FBN1: variants seen among roughly 807,000 people sequenced by gnomAD.
The protein encoded by FBN1 is fibrillin 1, also known as fibrillin-1.
A neutral mutation model predicts 365.1 loss-of-function variants in FBN1; 29 were observed. The observed-to-expected ratio is 0.08, with a 90% CI of 0.06 to 0.11. The LOEUF is 0.11. Ranked by LOEUF, FBN1 falls within the 10% of genes least tolerant of loss-of-function variation. The pLI is 1.00. For synonymous variants in FBN1, 1,210 were observed against 1,270.5 expected (o/e 0.95, Z 1.01); for missense variants, 2,476 against 3,703.2 (o/e 0.67, Z 8.60).
chr15:48,575,460 G>A (rs941058370), intron 6 of FBN1, among the ~76,000 whole-genome samples: 1 of 152,098 alleles, frequency 6.6e-6, no homozygotes, highest in African/African-American at 2.4e-5. Flanking sequence ...TGTGAGCATT[G>A]TACCCAATAG....
chr15:48,468,081 T>C lies in FBN1; in HGVS notation c.4604A>G (p.Tyr1535Cys). ...GCVDTRSGNC[Y>C]LDIRPRGDNG... ...GTCTCCTCGAGGTCGAATATCCAAA[T>C]AGCAATTTCCAGAGCGGGTATCTAT... is the stretch of plus-strand genomic sequence containing the variant. The change falls in exon 38 of 66, where the codon TAT becomes TGT. Residue 1535 changes from tyrosine to cysteine, a missense_variant. By Grantham distance (194) the Tyr-to-Cys change is radical (BLOSUM62 -2). Transcript: ENST00000316623. The C allele has an allele frequency of 6.2e-7, 1 of 1,614,170 alleles. No homozygotes were observed. The highest frequency in any genetic ancestry group is 8.5e-7 in the Non-Finnish European group (1 of 1,180,036).
chr15:48,440,884 A>C (rs1393667191), intron 50 of FBN1, among the ~76,000 whole-genome samples: 1 of 109,004 alleles, frequency 9.2e-6, no homozygotes, highest in Admixed American at 1.0e-4. Context: ...ATACGGAAGC[A>C]AAACCAAAAA....
intron 50 of FBN1, among the ~76,000 whole-genome samples, chr15:48,438,626 GA>G (rs1163195745): frequency 2.4e-4 from 36 of 150,448 alleles, no homozygotes; most frequent in African/African-American, 8.7e-4. Context: ...TCAACACAGA[GA>G]GGGAAGGAAG....
rs752081445 is a variant in FBN1 at position 48,410,763 on chromosome 15, T to C, written c.*227A>G. On this transcript the variant is annotated 3_prime_UTR_variant, in exon 66 of 66. Transcript: ENST00000316623. ...CCCAGTTTTCAAGAATCAACACATA[T>C]GACAAGGTAGCTTAGCTACACACAT... 5.6e-5 allele frequency: 30 copies of C among 532,526 alleles called. No individual in the cohort carries two copies. The highest frequency in any genetic ancestry group is 8.9e-5 in the Non-Finnish European group (27 of 303,888). The allele number at this position is 532,526 out of a possible 1,614,324, so 33.0% of individuals were successfully genotyped here.
At chr15:48,594,040 C>T (rs757675435) in intron 6 of FBN1, among the ~76,000 whole-genome samples, 8 of 152,100 alleles carry the variant, frequency 5.3e-5, no homozygotes, top group Non-Finnish European at 8.8e-5. Context: ...TGTCCTGACT[C>T]GGTATCAGAT....
intron 2 of FBN1, among the ~76,000 whole-genome samples, chr15:48,630,298 G>A (rs1006255734): frequency 6.6e-6 from 1 of 152,200 alleles, no homozygotes; most frequent in Non-Finnish European, 1.5e-5. Flanking sequence ...CTGTGCATAA[G>A]TGGAAGAATT....
At chr15:48,582,046 T>A (rs1471099253) in intron 6 of FBN1, among the ~76,000 whole-genome samples, 1 of 152,198 alleles carries the variant, frequency 6.6e-6, no homozygotes, top group African/African-American at 2.4e-5. Flanking sequence ...TCTGAGGTAT[T>A]AACACTTCAC....
intron 36 of FBN1, among the ~76,000 whole-genome samples, chr15:48,469,114 T>C (rs1476189242): frequency 1.4e-5 from 2 of 144,738 alleles, no homozygotes; most frequent in Non-Finnish European, 3.0e-5. Context: ...ATATATTACA[T>C]ATATATATAA....
At chr15:48,521,300 G>A (rs998679162) in intron 9 of FBN1, among the ~76,000 whole-genome samples, 2 of 152,192 alleles carry the variant, frequency 1.3e-5, no homozygotes, top group South Asian at 2.1e-4. Flanking sequence ...CTGCAACTGT[G>A]AGAGTCAGAC....
intron 61 of FBN1, 116 bp downstream of exon 61, chr15:48,421,836 G>T: frequency 8.6e-7 from 1 of 1,157,508 alleles, no homozygotes; most frequent in Non-Finnish European, 1.3e-6. Flanking sequence ...ACACATACAT[G>T]CACTCATATA....
At chr15:48,619,073 TC>T (rs1236068062) in intron 2 of FBN1, among the ~76,000 whole-genome samples, 1 of 151,814 alleles carries the variant, frequency 6.6e-6, no homozygotes, top group Non-Finnish European at 1.5e-5. Context: ...CCTGAAACCA[TC>T]CCCCCATCCC....
chr15:48,609,000 T>C (rs1279501076), intron 4 of FBN1, among the ~76,000 whole-genome samples: 1 of 152,238 alleles, frequency 6.6e-6, no homozygotes, highest in Non-Finnish European at 1.5e-5. Flanking sequence ...TGTTGTTAGT[T>C]GGTTCAGGGA....
At chr15:48,550,262 T>C (rs988618003) in intron 6 of FBN1, among the ~76,000 whole-genome samples, 4 of 152,202 alleles carry the variant, frequency 2.6e-5, no homozygotes, top group Admixed American at 1.3e-4. Flanking sequence ...GTTGTTTCCA[T>C]AGTGCAGGAA....
At chr15:48,567,758 A>G (rs1388736479) in intron 6 of FBN1, among the ~76,000 whole-genome samples, 2 of 152,202 alleles carry the variant, frequency 1.3e-5, no homozygotes, top group Non-Finnish European at 2.9e-5. Flanking sequence ...ACGAAATCCA[A>G]TGTCTATTCA....
chr15:48,499,071 C>T lies in FBN1; in HGVS notation c.2114-33G>A. 5 of 1,610,338 alleles carry T rather than the reference C, an allele frequency of 3.1e-6. No homozygotes were observed. The South Asian group carries it at 3.3e-5, about 11-fold the overall frequency. ...AAATTAACAGATAGTAAATGATTCC[C>T]TTGTTTGCAGAACAGGTAGATCCTG... is the stretch of plus-strand genomic sequence containing the variant. On this transcript the variant is annotated intron_variant, in intron 17 of 65. Transcript: ENST00000316623.
intron 6 of FBN1, among the ~76,000 whole-genome samples, chr15:48,544,180 A>T (rs1401232034): frequency 6.6e-6 from 1 of 152,152 alleles, no homozygotes; most frequent in African/African-American, 2.4e-5. Flanking sequence ...TGCTTCTCCC[A>T]TCTTATTTAA....
At position 48,410,200 on chromosome 15, in the gene FBN1, C is replaced by T. The variant is rs1209497223; in HGVS notation, c.*790G>A. On this transcript the variant is annotated 3_prime_UTR_variant, in exon 66 of 66. Coordinates refer to ENST00000316623, the MANE Select transcript of FBN1 (RefSeq NM_000138.5). ...TGATGAAGGATGCACTGGTGATCCT[C>T]TGGCCACTGAGGCTGTTTCCTGGTC... The T allele has an allele frequency of 6.5e-6, 1 of 152,680 alleles. No homozygotes were observed. Among genetic ancestry groups the T allele is most frequent in the Non-Finnish European group, 1.5e-5 (1 of 68,050 alleles). 9.5% of individuals were successfully genotyped at this position (152,680 alleles called of 1,614,324 possible).
intron 4 of FBN1, among the ~76,000 whole-genome samples, chr15:48,601,181 C>T (rs186753513): frequency 6.6e-6 from 1 of 152,158 alleles, no homozygotes; most frequent in Admixed American, 6.5e-5. Flanking sequence ...AGACCCCAGA[C>T]AATGAGACAC....
At chr15:48,423,879 T>G (rs539147612) in intron 60 of FBN1, among the ~76,000 whole-genome samples, 1 of 152,214 alleles carries the variant, frequency 6.6e-6, no homozygotes, top group South Asian at 2.1e-4. Flanking sequence ...AAAATTACAG[T>G]TGCTCTTTGC....
Sources: gnomAD v4.1 joint callset for allele counts (sites outside exome capture counted in the v4.1 genomes callset) on GRCh38, gnomAD v4.1.1 for gene constraint, MANE v1.5 for transcripts, NCBI Gene and HGNC (gene_info 2026-07-23, HGNC 2026-07-21) for gene names.